Variants in LRMDA observed in about 807,000 individuals in gnomAD.
The protein encoded by LRMDA is leucine rich melanocyte differentiation associated, also known as leucine-rich melanocyte differentiation-associated protein.
A neutral mutation model predicts 29.8 loss-of-function variants in LRMDA; 18 were observed. That is an observed-to-expected ratio of 0.60 (90% CI 0.42 to 0.90). LRMDA has a LOEUF of 0.90. LRMDA is among the 40% of genes least tolerant of loss of function. LRMDA has a pLI of 0.00. For missense variants in LRMDA, 273 were observed against 273.9 expected (o/e 1.00, Z 0.02); for synonymous variants, 125 against 109.4 (o/e 1.14, Z -0.89).
In LRMDA at chr10:76,231,290, A is replaced by G. The variant is rs141866263; in HGVS notation, c.517-93111A>G. Among the ~76,000 whole-genome samples the G allele has an allele frequency of 6.7e-3, 1,026 of 152,392 alleles. 20 individuals are homozygous for G. The highest frequency in any genetic ancestry group is 0.023 in the African/African-American group (975 of 41,602). ...GCTGTAATTAAAGCTTTTCTCCAGC[A>G]GACATGACAATAGATACTGCATTGA... On this transcript the variant is annotated intron_variant, in intron 5 of 6. Transcript: ENST00000611255.
chr10:76,392,677 TA>T (rs1231669165), intron 6 of LRMDA, among the ~76,000 whole-genome samples: 1 of 151,648 alleles, frequency 6.6e-6, no homozygotes, highest in African/African-American at 2.4e-5. Context: ...CATAGTTTAT[TA>T]TTTTTTTTTG....
chr10:75,945,107 T>C (rs574917428), intron 2 of LRMDA, among the ~76,000 whole-genome samples: 26 of 152,266 alleles, frequency 1.7e-4, no homozygotes, highest in Admixed American at 3.3e-4. Context: ...CACTGATAGA[T>C]TGCAATTTCT....
At chr10:76,542,209 A>G (rs1004255903) in intron 6 of LRMDA, among the ~76,000 whole-genome samples, 1 of 152,204 alleles carries the variant, frequency 6.6e-6, no homozygotes, top group Non-Finnish European at 1.5e-5. Flanking sequence ...GATTATGTAT[A>G]ATAGATGACC....
chr10:76,554,652 G>T (rs1331981898), intron 6 of LRMDA, among the ~76,000 whole-genome samples: 1 of 152,170 alleles, frequency 6.6e-6, no homozygotes, highest in Non-Finnish European at 1.5e-5. Flanking sequence ...TTTTATCAAT[G>T]CCAGCCAGAA....
At chr10:75,488,450 C>T (rs1219169290) in intron 2 of LRMDA, among the ~76,000 whole-genome samples, 2 of 152,080 alleles carry the variant, frequency 1.3e-5, no homozygotes, top group African/African-American at 4.8e-5. Context: ...GTTTGTGTGC[C>T]AGTGTGGTGA....
At chr10:76,299,509 G>A (rs1388686616) in intron 5 of LRMDA, among the ~76,000 whole-genome samples, 1 of 151,952 alleles carries the variant, frequency 6.6e-6, no homozygotes, top group Non-Finnish European at 1.5e-5. Context: ...GGTCAGATGT[G>A]GAATCCGTGC....
rs1323998197 is a variant in LRMDA at position 76,376,046 on chromosome 10, A to G, written c.601+51561A>G. ...GAGGGTACAAGTACATTATTATTAC[A>G]TGGTTTTATTGAATAGTGATGAAGA... On this transcript the variant is annotated intron_variant, in intron 6 of 6. Transcript: ENST00000611255. Among the ~76,000 whole-genome samples, 7 of 152,044 alleles carry G rather than the reference A, an allele frequency of 4.6e-5. No individual in the cohort carries two copies. The East Asian group carries it at 1.3e-3, about 29-fold the overall frequency.
intron 2 of LRMDA, among the ~76,000 whole-genome samples, chr10:75,874,508 T>G (rs767668964): frequency 1.3e-5 from 2 of 152,228 alleles, no homozygotes; most frequent in Non-Finnish European, 2.9e-5. Flanking sequence ...CTATTCTTTA[T>G]AGCAGCTCTG....
chr10:75,995,750 A>G (rs1358972642), intron 2 of LRMDA, among the ~76,000 whole-genome samples: 1 of 152,158 alleles, frequency 6.6e-6, no homozygotes, highest in Non-Finnish European at 1.5e-5. Flanking sequence ...TCCCGGATCT[A>G]CCTTCCTGCC....
chr10:75,916,249 A>C (rs1845932988), intron 2 of LRMDA, among the ~76,000 whole-genome samples: 1 of 151,482 alleles, frequency 6.6e-6, no homozygotes, highest in South Asian at 2.1e-4. Flanking sequence ...GCCTTCCCTG[A>C]AGGATGCTGC....
chr10:76,209,473 A>G (rs1261499482), intron 5 of LRMDA, among the ~76,000 whole-genome samples: 1 of 152,150 alleles, frequency 6.6e-6, no homozygotes, highest in Non-Finnish European at 1.5e-5. Context: ...GATTGACGGC[A>G]TAAGAATTAG....
intron 2 of LRMDA, among the ~76,000 whole-genome samples, chr10:75,784,200 G>A (rs935681006): frequency 6.6e-5 from 10 of 152,170 alleles, no homozygotes; most frequent in East Asian, 1.9e-4. Flanking sequence ...CAGATCTTCC[G>A]CTTAATGGCT....
intron 5 of LRMDA, among the ~76,000 whole-genome samples, chr10:76,120,348 C>T (rs1432127257): frequency 2.6e-5 from 4 of 151,940 alleles, no homozygotes; most frequent in African/African-American, 4.8e-5. Flanking sequence ...GCCACCACAC[C>T]GGGATAATTT....
At chr10:76,243,176 T>C (rs80300589) in intron 5 of LRMDA, among the ~76,000 whole-genome samples, 2,761 of 152,304 alleles carry the variant, frequency 0.018, 70 homozygotes, top group African/African-American at 0.06. Context: ...GAACTGTTTA[T>C]TTATCAATTC....
intron 2 of LRMDA, among the ~76,000 whole-genome samples, chr10:75,974,457 C>T (rs1267646715): frequency 6.6e-6 from 1 of 152,108 alleles, no homozygotes; most frequent in African/African-American, 2.4e-5. Context: ...CTTCTCTGTA[C>T]CTTTGTTTCT....
intron 2 of LRMDA, among the ~76,000 whole-genome samples, chr10:75,812,564 A>G (rs1256506123): frequency 6.6e-6 from 1 of 152,228 alleles, no homozygotes; most frequent in Non-Finnish European, 1.5e-5. Flanking sequence ...TGGTGACATG[A>G]TATAAACAGG....
intron 2 of LRMDA, among the ~76,000 whole-genome samples, chr10:75,792,008 C>T (rs1462329207): frequency 4.0e-5 from 6 of 150,214 alleles, no homozygotes; most frequent in Non-Finnish European, 7.4e-5. Flanking sequence ...TGCAGGTGCC[C>T]GCCACCACGC....
chr10:76,151,161 C>T (rs1211134492), intron 5 of LRMDA, among the ~76,000 whole-genome samples: 2 of 152,072 alleles, frequency 1.3e-5, no homozygotes, highest in Non-Finnish European at 2.9e-5. Context: ...GTGTACATTT[C>T]CTGTGAAGAT....
chr10:75,557,490 G>T (rs1394535769), intron 2 of LRMDA, among the ~76,000 whole-genome samples: 2 of 152,114 alleles, frequency 1.3e-5, no homozygotes, highest in Non-Finnish European at 2.9e-5. Context: ...AGGCAGCCTG[G>T]CTATGAAAAC....
Sources: gnomAD v4.1 joint callset for allele counts (sites outside exome capture counted in the v4.1 genomes callset) on GRCh38, gnomAD v4.1.1 for gene constraint, MANE v1.5 for transcripts, NCBI Gene and HGNC (gene_info 2026-07-23, HGNC 2026-07-21) for gene names.